FAAH2: variants seen among roughly 807,000 people sequenced by gnomAD.
FAAH2 encodes the protein fatty-acid amide hydrolase 2.
Under a neutral mutation model 36.9 loss-of-function variants are expected in FAAH2, and 60 were observed. The observed-to-expected ratio is 1.63, with a 90% CI of 1.32 to 2.02. FAAH2 has a LOEUF of 2.02. FAAH2 is among the 30% of genes most tolerant of loss of function. FAAH2 has a pLI of 0.00. For missense variants in FAAH2, 689 were observed against 397.5 expected (o/e 1.73, Z -6.23); for synonymous variants, 214 against 143.8 (o/e 1.49, Z -3.49).
chrX:57,200,060 A>T, the FAAH2 span, among the ~76,000 whole-genome samples: 1 of 111,532 alleles, frequency 9.0e-6, no homozygotes, highest in African/African-American at 3.3e-5. Context: ...ACAGCTTTAG[A>T]TTAGATAATT....
intron 2 of FAAH2, among the ~76,000 whole-genome samples, chrX:57,295,087 A>T (rs1436695338): frequency 8.9e-6 from 1 of 111,850 alleles, no homozygotes. Flanking sequence ...TGGGACCAAG[A>T]CATCTGTGAA....
the FAAH2 span, among the ~76,000 whole-genome samples, chrX:57,251,961 G>T: frequency 1.8e-5 from 2 of 112,050 alleles, no homozygotes; most frequent in African/African-American, 6.5e-5. Flanking sequence ...GGGAAGCCAT[G>T]AGTGACTGTA....
the FAAH2 span, chrX:57,137,056 C>G: frequency 1.2e-6 from 1 of 813,819 alleles, no homozygotes. Context: ...ACCTTCAAAT[C>G]CTTGTCTGGC....
At chrX:57,394,505 G>T in intron 7 of FAAH2, 3 of 1,206,617 alleles carry the variant, frequency 2.5e-6, no homozygotes, top group Non-Finnish European at 3.4e-6. Flanking sequence ...TGGAACAGGT[G>T]TCTTGAGGTT....
intron 7 of FAAH2, among the ~76,000 whole-genome samples, chrX:57,409,103 G>T (rs1227682359): frequency 1.8e-5 from 2 of 111,431 alleles, no homozygotes; most frequent in Non-Finnish European, 3.8e-5. Context: ...ACAATGGTAA[G>T]TATGTGTTTA....
chrX:57,371,910 T>C (rs1300265425), intron 5 of FAAH2, among the ~76,000 whole-genome samples: 2 of 112,063 alleles, frequency 1.8e-5, no homozygotes, highest in East Asian at 5.6e-4. Context: ...TTTGGTTTTT[T>C]AATTTCTGCA....
the FAAH2 span, among the ~76,000 whole-genome samples, chrX:57,279,465 T>TA: frequency 1.8e-5 from 2 of 111,304 alleles, no homozygotes; most frequent in Admixed American, 1.9e-4. Flanking sequence ...ACTGGGGGAC[T>TA]AGGTGAGGGA....
At chrX:57,435,631 C>A (rs918629479) in intron 8 of FAAH2, among the ~76,000 whole-genome samples, 7 of 109,546 alleles carry the variant, frequency 6.4e-5, no homozygotes, top group Non-Finnish European at 1.3e-4. Flanking sequence ...AGGATCAATG[C>A]AACAGGAGGA....
intron 3 of FAAH2, among the ~76,000 whole-genome samples, chrX:57,329,623 G>T (rs1281975211): frequency 9.4e-6 from 1 of 106,388 alleles, no homozygotes; most frequent in Non-Finnish European, 1.9e-5. Flanking sequence ...GGAAGACAAG[G>T]TCCACACACA....
chrX:57,361,647 A>G (rs1447003595), intron 5 of FAAH2, among the ~76,000 whole-genome samples: 1 of 111,299 alleles, frequency 9.0e-6, no homozygotes, highest in African/African-American at 3.3e-5. Flanking sequence ...GTCAAAGAAG[A>G]TATGTGATAT....
chrX:57,137,114 C>G, the FAAH2 span: 1 of 768,979 alleles, frequency 1.3e-6, no homozygotes, highest in Non-Finnish European at 1.5e-6. Context: ...TCCCCCACCC[C>G]ACCCTTGCCT....
intron 7 of FAAH2, among the ~76,000 whole-genome samples, chrX:57,385,637 A>T (rs950869540): frequency 6.2e-5 from 7 of 112,259 alleles, no homozygotes; most frequent in Non-Finnish European, 1.3e-4. Context: ...CCCCCTCTTA[A>T]TAATAATGCA....
the FAAH2 span, among the ~76,000 whole-genome samples, chrX:57,193,049 A>C: frequency 8.9e-6 from 1 of 112,258 alleles, no homozygotes; most frequent in Non-Finnish European, 1.9e-5. Context: ...GGAACAAGAG[A>C]GATAACCTTA....
chrX:57,351,978 C>A (rs1167802715), intron 5 of FAAH2, among the ~76,000 whole-genome samples: 2 of 90,238 alleles, frequency 2.2e-5, no homozygotes, highest in Non-Finnish European at 4.4e-5. Context: ...CAGGATCACT[C>A]TGATACCAAA....
At chrX:57,448,397 T>C (rs2056723075) in intron 9 of FAAH2, 127 bp from the exon 10 acceptor site, 1 of 660,187 alleles carries the variant, frequency 1.5e-6, no homozygotes, top group Non-Finnish European at 2.2e-6. Flanking sequence ...TAAAGTTTCC[T>C]TTTCCATCAC....
chrX:57,233,063 C>T, the FAAH2 span, among the ~76,000 whole-genome samples: 10 of 112,380 alleles, frequency 8.9e-5, no homozygotes, highest in East Asian at 2.2e-3. Flanking sequence ...TCCTCCTCTG[C>T]TCATGAGATA....
chrX:57,425,454 A>C (rs947635536), intron 7 of FAAH2, among the ~76,000 whole-genome samples: 2 of 111,628 alleles, frequency 1.8e-5, no homozygotes, highest in Non-Finnish European at 3.8e-5. Flanking sequence ...AAAATCCTAA[A>C]ATTAGCAACA....
the FAAH2 span, among the ~76,000 whole-genome samples, chrX:57,275,399 G>A: frequency 3.6e-5 from 4 of 112,242 alleles, no homozygotes; most frequent in East Asian, 1.1e-3. Context: ...CCAGTTCCCC[G>A]TGGGTCAAGT....
the FAAH2 span, among the ~76,000 whole-genome samples, chrX:57,163,560 G>C: frequency 4.5e-5 from 5 of 112,026 alleles, no homozygotes; most frequent in South Asian, 1.1e-3. Context: ...ATATAATCTC[G>C]TGGTGCGCCG....
Sources: allele counts gnomAD v4.1 joint callset (sites outside exome capture counted in the v4.1 genomes callset), GRCh38; gene constraint gnomAD v4.1.1; transcripts MANE v1.5; gene names NCBI Gene and HGNC (gene_info 2026-07-23, HGNC 2026-07-21).